Variants in CFAP47 observed in about 807,000 individuals in gnomAD.
The protein encoded by CFAP47 is cilia and flagella associated protein 47.
A neutral mutation model predicts 148.1 loss-of-function variants in CFAP47; 29 were observed. That is an observed-to-expected ratio of 0.20 (90% CI 0.15 to 0.27). The LOEUF (loss-of-function observed/expected upper bound fraction) is 0.27. Ranked by LOEUF, CFAP47 falls within the 10% of genes least tolerant of loss-of-function variation. The probability of loss-of-function intolerance (pLI) is 1.00; values close to 1 mark genes in which losing one functional copy is unlikely to be tolerated. For synonymous variants in CFAP47, 664 were observed against 577.3 expected (o/e 1.15, Z -2.15); for missense variants, 1,872 against 1,697.5 (o/e 1.10, Z -1.81).
chrX:36,065,248 T>C (rs1937626827), intron 26 of CFAP47, among the ~76,000 whole-genome samples: 1 of 111,594 alleles, frequency 9.0e-6, no homozygotes, highest in African/African-American at 3.3e-5. Flanking sequence ...GGGCTGTTTC[T>C]GTGTTGTGAA....
chrX:36,172,656 A>T (rs1377088970), intron 39 of CFAP47, among the ~76,000 whole-genome samples: 2 of 110,964 alleles, frequency 1.8e-5, no homozygotes, highest in East Asian at 5.6e-4. Context: ...AGCCCACTTG[A>T]TCATGGTGGA....
chrX:36,165,987 A>T (rs1010945675), intron 39 of CFAP47, among the ~76,000 whole-genome samples: 1 of 111,449 alleles, frequency 9.0e-6, no homozygotes, highest in East Asian at 2.8e-4. Context: ...TAGGGCTTCA[A>T]CATATGAAGT....
intron 39 of CFAP47, among the ~76,000 whole-genome samples, chrX:36,163,410 T>G (rs888629141): frequency 9.0e-6 from 1 of 111,517 alleles, no homozygotes; most frequent in Non-Finnish European, 1.9e-5. Context: ...CTAACTTTTT[T>G]GGATATTAAT....
chrX:36,324,553 C>A (rs1178549059), intron 57 of CFAP47, among the ~76,000 whole-genome samples: 1 of 111,329 alleles, frequency 9.0e-6, no homozygotes, highest in Non-Finnish European at 1.9e-5. Flanking sequence ...CCTGTAAGAA[C>A]CCTATTTTGG....
chrX:35,927,830 A>G (rs1312906460), intron 2 of CFAP47, among the ~76,000 whole-genome samples: 1 of 109,608 alleles, frequency 9.1e-6, no homozygotes, highest in South Asian at 3.9e-4. Flanking sequence ...CTACATCTCA[A>G]ATTTTTGTCA....
At chrX:36,119,988 T>C (rs1440869523) in intron 33 of CFAP47, among the ~76,000 whole-genome samples, 3 of 109,710 alleles carry the variant, frequency 2.7e-5, no homozygotes, top group Non-Finnish European at 5.7e-5. Flanking sequence ...GTTTACCTTT[T>C]CAACACATCA....
intron 24 of CFAP47, among the ~76,000 whole-genome samples, chrX:36,037,687 T>C (rs1025239518): frequency 9.0e-6 from 1 of 111,058 alleles, no homozygotes; most frequent in Admixed American, 9.6e-5. Flanking sequence ...CCTAGAACCC[T>C]TTAAGAGGTC....
chrX:36,126,573 T>C (rs986984028), intron 33 of CFAP47, among the ~76,000 whole-genome samples: 1 of 111,993 alleles, frequency 8.9e-6, no homozygotes, highest in Non-Finnish European at 1.9e-5. Flanking sequence ...GCATGTGTCT[T>C]TATAGTAGAA....
At chrX:35,921,002 T>A (rs1402238443) in intron 1 of CFAP47, among the ~76,000 whole-genome samples, 1 of 112,195 alleles carries the variant, frequency 8.9e-6, no homozygotes, top group African/African-American at 3.2e-5. Flanking sequence ...AAAAAATCGA[T>A]GTATTATTTA....
rs370305487 is a variant in CFAP47 at position 35,971,597 on chromosome X, A to G, written c.1982A>G (p.Tyr661Cys). 5.6e-5 allele frequency: 64 copies of G among 1,139,273 alleles called. No homozygotes were observed. The highest frequency in any genetic ancestry group is 7.0e-5 in the Non-Finnish European group (60 of 852,531). The allele number at this position is 1,139,273 out of a possible 1,213,427, so 93.9% of individuals were successfully genotyped here. Reference sequence around the variant, plus strand: ...TATTAATTTTATAGGGAGCGCATGTATTCATATGATGATACAGACATAGGC... The same window carrying G: ...TATTAATTTTATAGGGAGCGCATGTGTTCATATGATGATACAGACATAGGC... ...QKKQAERERM[Y>C]SYDDTDIGLE... Residue 661 changes from tyrosine (Y) to cysteine (C), a missense_variant, in exon 12 of 64, where the codon TAT becomes TGT. Tyr to Cys is a radical substitution (Grantham distance 194). Transcript: ENST00000378653.
intron 16 of CFAP47, among the ~76,000 whole-genome samples, chrX:35,990,331 G>A (rs66999859): frequency 9.0e-6 from 1 of 110,958 alleles, no homozygotes; most frequent in East Asian, 2.8e-4. Flanking sequence ...AACACATAAT[G>A]AGAAGTTGGA....
rs782136078 is a variant in CFAP47, at chrX:36,350,067, A to G, written c.8633A>G (p.Gln2878Arg). 2.6e-6 allele frequency: 3 copies of G among 1,158,075 alleles called. No individual in the cohort carries two copies. In the South Asian group the frequency reaches 5.8e-5, roughly 22 times the overall value. The change falls in exon 59 of 64, where the codon CAA (glutamine) becomes CGA (arginine). Residue 2878 changes from glutamine (Q) to arginine (R), a missense_variant. By Grantham distance (43) the Gln-to-Arg change is conservative (BLOSUM62 1). Coordinates refer to ENST00000378653, the MANE Select transcript of CFAP47 (RefSeq NM_001304548.2). ...GTGGGAATCGACAGCGAAGAAATCC[A>G]AGCAATACACTGGATATACCCTATT... ...SIVGIDSEEI[Q>R]AIHWIYPIVG... is the part of the protein sequence containing the mutation.
At chrX:36,304,650 C>A (rs1051904265) in intron 54 of CFAP47, among the ~76,000 whole-genome samples, 1 of 110,418 alleles carries the variant, frequency 9.1e-6, no homozygotes, top group Admixed American at 9.8e-5. Flanking sequence ...CAGTTGTTTT[C>A]TAGCCTTTCC....
At chrX:36,314,143 CAG>C (rs1292352391) in intron 56 of CFAP47, among the ~76,000 whole-genome samples, 1 of 111,450 alleles carries the variant, frequency 9.0e-6, no homozygotes, top group Non-Finnish European at 1.9e-5. Context: ...GGAGAAAAGA[CAG>C]AGAATTGGGC....
rs1938434104 is a variant in CFAP47 at position 36,104,519 on chromosome X, A to G, written c.5148A>G (p.Val1716=). ...TTCAGGTTTTGGTTCTATCCCGTGT[A>G]GTGCCATACTGCAGCAATAATATGC... ...QIYKVLVLSR[V]VPYCSNNMPP... is the part of the protein sequence containing the mutation. Residue 1716 remains valine, a synonymous_variant, in exon 33 of 64, where the codon GTA becomes GTG. Transcript: ENST00000378653. The G allele has an allele frequency of 3.2e-6, 3 of 933,820 alleles. No individual in the cohort carries two copies. The allele number at this position is 933,820 out of a possible 1,213,427, so 77.0% of individuals were successfully genotyped here. A position where few individuals can be genotyped will look rare whatever the true frequency, so the allele number is the denominator to read the frequency against.
chrX:35,926,179 T>G lies in CFAP47; in HGVS notation c.401+11T>G. On this transcript the variant is annotated intron_variant, in intron 2 of 63. Transcript: ENST00000378653. ...AATTCCTCTAATTGGGTATGTAATC[T>G]TCATAGTTCATGCTGACATTTTGAA... 1 of 1,152,116 alleles carries G rather than the reference T, an allele frequency of 8.7e-7. No individual in the cohort carries two copies. The highest frequency in any genetic ancestry group is 1.2e-6 in the Non-Finnish European group (1 of 849,356). 94.9% of individuals were successfully genotyped at this position (1,152,116 alleles called of 1,213,427 possible).
At chrX:35,986,228 G>A (rs1323625616) in intron 15 of CFAP47, among the ~76,000 whole-genome samples, 8 of 110,641 alleles carry the variant, frequency 7.2e-5, no homozygotes, top group African/African-American at 1.6e-4. Context: ...TCTCCCCGTC[G>A]CTTTCAGGTA....
At chrX:35,926,476 G>T (rs1418183799) in intron 2 of CFAP47, among the ~76,000 whole-genome samples, 2 of 111,537 alleles carry the variant, frequency 1.8e-5, no homozygotes, top group Non-Finnish European at 3.8e-5. Flanking sequence ...CAAATGTTTG[G>T]TGTCAAAAAA....
chrX:36,274,854 A>G (rs1422212903), intron 49 of CFAP47, among the ~76,000 whole-genome samples: 2 of 111,473 alleles, frequency 1.8e-5, no homozygotes, highest in African/African-American at 3.3e-5. Flanking sequence ...TGCCTAGAAC[A>G]CCCAGTACTA....
Sources: allele counts gnomAD v4.1 joint callset (sites outside exome capture counted in the v4.1 genomes callset), GRCh38; gene constraint gnomAD v4.1.1; transcripts MANE v1.5; gene names NCBI Gene and HGNC (gene_info 2026-07-23, HGNC 2026-07-21).